UAP1L1: variants seen among roughly 807,000 people sequenced by gnomAD.
UAP1L1 encodes UDP-N-acetylhexosamine pyrophosphorylase-like protein 1.
Under a neutral mutation model 45.3 loss-of-function variants are expected in UAP1L1, and 45 were observed. The observed-to-expected ratio is 0.99, with a 90% CI of 0.78 to 1.27. The LOEUF (loss-of-function observed/expected upper bound fraction) is 1.27. UAP1L1 is among the 50% of genes most tolerant of loss of function. The probability of loss-of-function intolerance (pLI) is 0.00; values close to 1 mark genes in which losing one functional copy is unlikely to be tolerated. For missense variants in UAP1L1, 667 were observed against 694.0 expected (o/e 0.96, Z 0.44); for synonymous variants, 323 against 303.9 (o/e 1.06, Z -0.65).
chr9:137,079,866 G>T lies in UAP1L1; in HGVS notation c.1038-136G>T, dbSNP rs1000836025. The T allele has an allele frequency of 1.2e-5, 13 of 1,047,472 alleles. No individual in the cohort carries two copies. The Admixed American group carries it at 3.0e-4, about 24-fold the overall frequency. The allele number at this position is 1,047,472 out of a possible 1,614,324, so 64.9% of individuals were successfully genotyped here. A position where few individuals can be genotyped will look rare whatever the true frequency, so the allele number is the denominator to read the frequency against. On this transcript the variant is annotated intron_variant, in intron 5 of 8. Transcript: ENST00000409858. ...CTCCCTGGAGATCTGGCCCTACTCT[G>T]CCGCTTCTGTGCCCTGTAGTGTCCT...
chr9:137,080,241 G>A, intron 6 of UAP1L1, 99 bp downstream of exon 6: 1 of 1,500,566 alleles, frequency 6.7e-7, no homozygotes, highest in Non-Finnish European at 9.1e-7. Flanking sequence ...GCTTGAGGGA[G>A]CCAAGGGCCC....
At position 137,078,554 on chromosome 9, in the gene UAP1L1, G is replaced by A. The variant is rs772373115; in HGVS notation, c.547G>A (p.Glu183Lys). 6 of 1,613,244 alleles carry A rather than the reference G, an allele frequency of 3.7e-6. No homozygotes were observed. The highest frequency in any genetic ancestry group is 5.1e-6 in the Non-Finnish European group (6 of 1,180,028). Residue 183 changes from glutamate to lysine, a missense_variant, in exon 3 of 9, where the codon GAG (glutamate) becomes AAG (lysine). Transcript: ENST00000409858. ...GGGGCCCACGGCCGAGTTCTTCAGGGAGCACAACTTCTTCCACCTGGACCC... is the reference window on the plus strand; with the variant it reads ...GGGGCCCACGGCCGAGTTCTTCAGGAAGCACAACTTCTTCCACCTGGACCC... ...TLGPTAEFFREHNFFHLDPAN... is the reference protein window; with the variant it reads ...TLGPTAEFFRKHNFFHLDPAN...
At position 137,082,797 on chromosome 9, in the gene UAP1L1, C is replaced by G; in HGVS notation, c.*68C>G. The G allele has an allele frequency of 7.4e-7, 1 of 1,351,340 alleles. No individual in the cohort carries two copies. 83.7% of individuals were successfully genotyped at this position (1,351,340 alleles called of 1,614,324 possible). On this transcript the variant is annotated 3_prime_UTR_variant, in exon 9 of 9. Coordinates refer to ENST00000409858, the MANE Select transcript of UAP1L1 (RefSeq NM_207309.3). This position sits in a 1 kb window ranked among gnomAD's most constrained non-coding sequence, Gnocchi z 5.7. ...CCGGCATCCTGGAAGTCCCGACTCC[C>G]CCCAGACCTGCCAGCCCCGGCGTCC...
At chr9:137,078,807 G>C in intron 3 of UAP1L1, 130 bp downstream of exon 3, 1 of 1,319,604 alleles carries the variant, frequency 7.6e-7, no homozygotes, top group South Asian at 1.5e-5. Flanking sequence ...TCTTTTTCTG[G>C]GCCTTGATCG....
chr9:137,078,201 G>A lies in UAP1L1; in HGVS notation c.441G>A (p.Arg147=), dbSNP rs1832724205. The A allele has an allele frequency of 1.9e-6, 3 of 1,549,036 alleles. No individual in the cohort carries two copies. Among genetic ancestry groups the A allele is most frequent in the Non-Finnish European group, 2.6e-6 (3 of 1,146,708 alleles). Residue 147 remains arginine (R), a synonymous_variant, in exon 2 of 9, where the codon CGG becomes CGA. Transcript: ENST00000409858. ...ACCAGCTGCAGGCGGAGCGGATTCG[G>A]CGGGTGGAGCAGCTGGCCGGTGAGC... ...TLYQLQAERI[R]RVEQLAGERH...
In UAP1L1 at chr9:137,082,721, G is replaced by T; in HGVS notation, c.1516G>T (p.Glu506Ter). 6.5e-7 allele frequency: 1 copy of T among 1,549,560 alleles called. No individual in the cohort carries two copies. The highest frequency in any genetic ancestry group is 8.7e-7 in the Non-Finnish European group (1 of 1,147,120). Residue 506 changes from glutamate (E) to a stop codon, truncating the protein, a stop_gained, in exon 9 of 9, where the codon GAG (glutamate) becomes TAG (stop). Coordinates refer to ENST00000409858, the MANE Select transcript of UAP1L1 (RefSeq NM_207309.3). LOFTEE classifies it high-confidence loss of function. This position sits in a 1 kb window ranked among gnomAD's most constrained non-coding sequence, Gnocchi z 5.7. ...EDQAREPQLQ[E>*]S The stretch of plus-strand genomic sequence containing the variant: ...CCAGGCCAGGGAGCCGCAGCTGCAG[G>T]AGTCCTGACCCGCCCAGACTGTCCC...
At position 137,082,853 on chromosome 9, in the gene UAP1L1, T is replaced by C. The variant is rs1215011726; in HGVS notation, c.*124T>C. ...CTGGGGGCTACAGCCCAGCCTGAGCTCTGGGTGGGAAAGCAGCCTGCCCCA... is the reference window on the plus strand; with the variant it reads ...CTGGGGGCTACAGCCCAGCCTGAGCCCTGGGTGGGAAAGCAGCCTGCCCCA... On this transcript the variant is annotated 3_prime_UTR_variant, in exon 9 of 9. Coordinates refer to ENST00000409858, the MANE Select transcript of UAP1L1 (RefSeq NM_207309.3). This position sits in a 1 kb window ranked among gnomAD's most constrained non-coding sequence, Gnocchi z 5.7. 25 of 743,102 alleles carry C rather than the reference T, an allele frequency of 3.4e-5. No homozygotes were observed. The East Asian group carries it at 6.5e-4, about 19-fold the overall frequency. 46.0% of individuals were successfully genotyped at this position (743,102 alleles called of 1,614,324 possible). A position where few individuals can be genotyped will look rare whatever the true frequency, so the allele number is the denominator to read the frequency against.
chr9:137,079,554 G>C (rs924926126), intron 5 of UAP1L1, 105 bp downstream of exon 5: 2 of 1,153,486 alleles, frequency 1.7e-6, no homozygotes, highest in Non-Finnish European at 2.4e-6. Context: ...CAGCGGCTGT[G>C]GTCAGGAGTG....
chr9:137,081,414 G>A lies in UAP1L1; in HGVS notation c.1364+540G>A, dbSNP rs56199113. Among the ~76,000 whole-genome samples, 1,008 of 150,540 alleles carry A rather than the reference G, an allele frequency of 6.7e-3. 11 individuals carry two copies. Among genetic ancestry groups the A allele is most frequent in the African/African-American group, 0.023 (958 of 40,908 alleles). ...TTTTTAGTAGAGACAGGGTTTCACCGTGTTAGCCAGGATGGTCTCAAACTC... is the reference window on the plus strand; with the variant it reads ...TTTTTAGTAGAGACAGGGTTTCACCATGTTAGCCAGGATGGTCTCAAACTC... On this transcript the variant is annotated intron_variant, in intron 7 of 8. Transcript: ENST00000409858.
chr9:137,080,131 C>A lies in UAP1L1; in HGVS notation c.1167C>A (p.Phe389Leu). 6.2e-7 allele frequency: 1 copy of A among 1,614,068 alleles called. No individual in the cohort carries two copies. The highest frequency in any genetic ancestry group is 2.2e-5 in the East Asian group (1 of 44,886). The change falls in exon 6 of 9, where the codon TTC (phenylalanine) becomes TTA (leucine). Residue 389 changes from phenylalanine to leucine, a missense_variant. Phe to Leu is a conservative substitution (Grantham distance 22). Transcript: ENST00000409858. Reference sequence around the variant, plus strand: ...TGGAGAAGTTTGTGTTTGATGTGTTCCGGTTTGCTAAGTTAGTAGTAGAAC... The same window carrying A: ...TGGAGAAGTTTGTGTTTGATGTGTTACGGTTTGCTAAGTTAGTAGTAGAAC... The part of the protein sequence containing the change: ...IKMEKFVFDV[F>L]RFAKNFAALE...
At position 137,080,805 on chromosome 9, in the gene UAP1L1, A is replaced by G. The variant is rs761315274; in HGVS notation, c.1295A>G (p.Tyr432Cys). Residue 432 changes from tyrosine to cysteine, a missense_variant, in exon 7 of 9, where the codon TAC becomes TGC. Tyr to Cys is a radical substitution (Grantham distance 194). Coordinates refer to ENST00000409858, the MANE Select transcript of UAP1L1 (RefSeq NM_207309.3). Reference sequence around the variant, plus strand: ...CGCCAGGCCCTGCTCACCCAGCACTACCGGTGGGCTCTGCGGGCCGGGGCC... The same window carrying G: ...CGCCAGGCCCTGCTCACCCAGCACTGCCGGTGGGCTCTGCGGGCCGGGGCC... ...TARQALLTQH[Y>C]RWALRAGARF... 2.5e-6 allele frequency: 4 copies of G among 1,611,828 alleles called. No homozygotes were observed. Among genetic ancestry groups the G allele is most frequent in the Non-Finnish European group, 3.4e-6 (4 of 1,179,826 alleles).
Position 137,082,593 on chromosome 9 carries a change from G to A in UAP1L1, c.1432-44G>A, listed in dbSNP as rs200859799. The A allele has an allele frequency of 1.1e-5, 16 of 1,494,296 alleles. No individual in the cohort carries two copies. The highest frequency in any genetic ancestry group is 4.9e-5 in the East Asian group (2 of 40,596). The allele number at this position is 1,494,296 out of a possible 1,614,324, so 92.6% of individuals were successfully genotyped here. A position where few individuals can be genotyped will look rare whatever the true frequency, so the allele number is the denominator to read the frequency against. On this transcript the variant is annotated intron_variant, in intron 8 of 8. Coordinates refer to ENST00000409858, the MANE Select transcript of UAP1L1 (RefSeq NM_207309.3). The surrounding 1 kb of genome is among the most constrained non-coding windows in gnomAD (Gnocchi z 5.7). The stretch of plus-strand genomic sequence containing the variant: ...GGTGTGGCCAGAGGGGCTGTGACCC[G>A]CCAAAAGGTGGGTACTTGGCCATTG...
Position 137,081,346 on chromosome 9 carries a change from C to T in UAP1L1, c.1364+472C>T, listed in dbSNP as rs971478351. Among the ~76,000 whole-genome samples, 36 of 151,484 alleles carry T rather than the reference C, an allele frequency of 2.4e-4. No individual in the cohort carries two copies. The East Asian group carries it at 5.8e-3, about 24-fold the overall frequency. Reference sequence around the variant, plus strand: ...CCTCCTGAGTAGCTGGGACTACAGGCGCCCGCCACCACGCCCGGCTCATTT... The same window carrying T: ...CCTCCTGAGTAGCTGGGACTACAGGTGCCCGCCACCACGCCCGGCTCATTT... On this transcript the variant is annotated intron_variant, in intron 7 of 8. Coordinates refer to ENST00000409858, the MANE Select transcript of UAP1L1 (RefSeq NM_207309.3).
chr9:137,078,416 G>A (rs754759260), intron 2 of UAP1L1, 86 bp from the exon 3 acceptor site: 16 of 1,603,820 alleles, frequency 1.0e-5, no homozygotes, highest in Middle Eastern at 1.7e-4. Context: ...ACTGGACCCC[G>A]AACCCCGATG....
At position 137,077,992 on chromosome 9, in the gene UAP1L1, C is replaced by T; in HGVS notation, c.290-58C>T. On this transcript the variant is annotated intron_variant, in intron 1 of 8. Transcript: ENST00000409858. The surrounding 1 kb of genome is among the most constrained non-coding windows in gnomAD (Gnocchi z 4.7). ...CGCCCCAGCCCCAGAGTTGGTTTCC[C>T]CTAAAGCGGAAGGGTGGGCGGGTCC... The T allele has an allele frequency of 7.8e-6, 12 of 1,538,066 alleles. No individual in the cohort carries two copies. The highest frequency in any genetic ancestry group is 1.2e-5 in the South Asian group (1 of 83,876).
chr9:137,082,174 C>A lies in UAP1L1; in HGVS notation c.1431+110C>A. The A allele has an allele frequency of 9.2e-7, 1 of 1,082,352 alleles. No homozygotes were observed. The highest frequency in any genetic ancestry group is 2.4e-5 in the East Asian group (1 of 42,248). The allele number at this position is 1,082,352 out of a possible 1,614,324, so 67.0% of individuals were successfully genotyped here. A position where few individuals can be genotyped will look rare whatever the true frequency, so the allele number is the denominator to read the frequency against. On this transcript the variant is annotated intron_variant, in intron 8 of 8. Coordinates refer to ENST00000409858, the MANE Select transcript of UAP1L1 (RefSeq NM_207309.3). The surrounding 1 kb of genome is among the most constrained non-coding windows in gnomAD (Gnocchi z 5.7). Reference sequence around the variant, plus strand: ...ACGGCACAGCTCTACCTCGGTTAACCAATGGGGTCGGTGGTTTAAATTTGC... The same window carrying A: ...ACGGCACAGCTCTACCTCGGTTAACAAATGGGGTCGGTGGTTTAAATTTGC...
At chr9:137,080,913 G>A (rs1450959764) in intron 7 of UAP1L1, 39 bp downstream of exon 7, 1 of 1,501,496 alleles carries the variant, frequency 6.7e-7, no homozygotes, top group Non-Finnish European at 8.8e-7. Flanking sequence ...CAGAAGGGGA[G>A]GGCTGTCAGG....
At chr9:137,079,899 T>C in intron 5 of UAP1L1, 103 bp from the exon 6 acceptor site, 1 of 1,428,032 alleles carries the variant, frequency 7.0e-7, no homozygotes, top group South Asian at 1.3e-5. Flanking sequence ...CCTTCTGCCA[T>C]CCTGTCCCAC....
In UAP1L1 at chr9:137,079,238, C is replaced by T; in HGVS notation, c.844-18C>T. 1 of 1,600,490 alleles carries T rather than the reference C, an allele frequency of 6.2e-7. No homozygotes were observed. Among genetic ancestry groups the T allele is most frequent in the Non-Finnish European group, 8.5e-7 (1 of 1,172,282 alleles). ...CCTCCGCCCAGCCCTCGGAACCCATCCCTGGTCTTGGCTGCAGGTGGTGGA... is the reference window on the plus strand; with the variant it reads ...CCTCCGCCCAGCCCTCGGAACCCATTCCTGGTCTTGGCTGCAGGTGGTGGA... On this transcript the variant is annotated intron_variant, in intron 4 of 8. Coordinates refer to ENST00000409858, the MANE Select transcript of UAP1L1 (RefSeq NM_207309.3).
Sources: allele counts gnomAD v4.1 joint callset (sites outside exome capture counted in the v4.1 genomes callset), GRCh38; gene constraint gnomAD v4.1.1; non-coding constraint Gnocchi (gnomAD v3.1); transcripts MANE v1.5; gene names NCBI Gene and HGNC (gene_info 2026-07-23, HGNC 2026-07-21).